The following MYBL2 variants were observed in gnomAD, a reference collection of about 807,000 sequenced individuals.
MYBL2 encodes the protein MYB proto-oncogene like 2.
MYBL2 carries 28 observed loss-of-function variants against 79.9 expected under a neutral mutation model. The observed-to-expected ratio is 0.35, with a 90% CI of 0.26 to 0.48. The LOEUF (loss-of-function observed/expected upper bound fraction) is 0.48. Ranked by LOEUF, MYBL2 falls within the 20% of genes least tolerant of loss-of-function variation. MYBL2 has a pLI of 0.99. For synonymous variants in MYBL2, 378 were observed against 361.2 expected (o/e 1.05, Z -0.53); for missense variants, 735 against 893.9 (o/e 0.82, Z 2.27).
Position 43,715,183 on chromosome 20 carries a change from A to G in MYBL2, c.1874A>G (p.Lys625Arg), listed in dbSNP as rs1488386009. The change falls in exon 13 of 14, where the codon AAA (lysine) becomes AGA (arginine). Residue 625 changes from lysine (K) to arginine (R), a missense_variant. Coordinates refer to ENST00000217026, the MANE Select transcript of MYBL2 (RefSeq NM_002466.4). ...NSSSLTLSGI[K>R]EDNSLLNQGF... ...TCCAGCCTCACCCTGTCAGGTATCA[A>G]AGAAGACAACAGCTTGCTCAACCAG... 6.2e-7 allele frequency: 1 copy of G among 1,614,218 alleles called. No individual in the cohort carries two copies. The highest frequency in any genetic ancestry group is 1.7e-5 in the Admixed American group (1 of 60,030).
chr20:43,700,393 C>T (rs1987653795), intron 7 of MYBL2, among the ~76,000 whole-genome samples: 1 of 152,164 alleles, frequency 6.6e-6, no homozygotes, highest in South Asian at 2.1e-4. Flanking sequence ...TGTGGCATCA[C>T]ACATGGTTGG....
At chr20:43,683,551 A>AAGGGAACTAGGCCT (rs1987194221) in intron 4 of MYBL2, among the ~76,000 whole-genome samples, 1 of 137,836 alleles carries the variant, frequency 7.3e-6, no homozygotes. Flanking sequence ...GGAACTAGGC[A>AAGGGAACTAGGCCT]TTTTTTTTTT....
intron 7 of MYBL2, 108 bp downstream of exon 7, chr20:43,700,152 A>C (rs897888375): frequency 7.0e-7 from 1 of 1,422,918 alleles, no homozygotes; most frequent in Non-Finnish European, 9.5e-7. Flanking sequence ...GCTAACAGTT[A>C]CTGACTTGAT....
intron 9 of MYBL2, among the ~76,000 whole-genome samples, chr20:43,706,990 A>G (rs1167920202): frequency 1.3e-5 from 2 of 150,178 alleles, no homozygotes; most frequent in Non-Finnish European, 3.0e-5. Context: ...CTGGGATTAT[A>G]TGTGTGAGCC....
At chr20:43,692,094 A>G (rs1056588865) in intron 5 of MYBL2, 63 bp from the exon 6 acceptor site, 3 of 1,540,982 alleles carry the variant, frequency 1.9e-6, no homozygotes, top group African/African-American at 1.4e-5. Flanking sequence ...GAGGTTAGTG[A>G]TGTGCCTGAT....
Position 43,711,531 on chromosome 20 carries a change from G to T in MYBL2, c.1649G>T (p.Arg550Leu). The change falls in exon 11 of 14, where the codon CGT (arginine) becomes CTT (leucine). Residue 550 changes from arginine (R) to leucine (L), a missense_variant. Arg to Leu is a moderately radical substitution (Grantham distance 102). Transcript: ENST00000217026. ...GAGGAGGACTTGAAGGAGGTGCTGCGTTCTGAGGCTGGCATCGAACTCATC... is the reference window on the plus strand; with the variant it reads ...GAGGAGGACTTGAAGGAGGTGCTGCTTTCTGAGGCTGGCATCGAACTCATC... ...HLEEDLKEVLRSEAGIELIIE... is the reference protein window; with the variant it reads ...HLEEDLKEVLLSEAGIELIIE... 1 of 1,613,830 alleles carries T rather than the reference G, an allele frequency of 6.2e-7. No homozygotes were observed. Among genetic ancestry groups the T allele is most frequent in the Non-Finnish European group, 8.5e-7 (1 of 1,179,868 alleles).
At chr20:43,683,852 C>A (rs981482432) in intron 4 of MYBL2, among the ~76,000 whole-genome samples, 2 of 151,928 alleles carry the variant, frequency 1.3e-5, no homozygotes, top group African/African-American at 4.8e-5. Context: ...CCGTGCCTGG[C>A]CTGGAACTAG....
At chr20:43,715,387 C>A in intron 13 of MYBL2, 104 bp downstream of exon 13, 1 of 1,548,136 alleles carries the variant, frequency 6.5e-7, no homozygotes, top group Non-Finnish European at 8.7e-7. Context: ...GCCTTCTTAG[C>A]TCAGGGCCTT....
rs933505155 is a variant in MYBL2 at position 43,678,804 on chromosome 20, C to T, written c.115-2980C>T. On this transcript the variant is annotated intron_variant, in intron 2 of 13. Coordinates refer to ENST00000217026, the MANE Select transcript of MYBL2 (RefSeq NM_002466.4). ...ACCCAGAGGCGGAAGTTGCAGTGAG[C>T]TGAGATCGCACCATTGCACTCCAGC... Among the ~76,000 whole-genome samples, 14 of 139,406 alleles carry T rather than the reference C, an allele frequency of 1.0e-4. No individual in the cohort carries two copies. In the Admixed American group the frequency reaches 1.1e-3, roughly 11 times the overall value. The allele number at this position is 139,406 out of a possible 152,430, so 91.5% of individuals were successfully genotyped here.
In MYBL2 at chr20:43,711,481, C is replaced by G; in HGVS notation, c.1606-7C>G. 3.1e-6 allele frequency: 5 copies of G among 1,609,424 alleles called. No individual in the cohort carries two copies. Among genetic ancestry groups the G allele is most frequent in the Non-Finnish European group, 4.2e-6 (5 of 1,177,570 alleles). On this transcript the variant is annotated splice_polypyrimidine_tract_variant and splice_region_variant and intron_variant, in intron 10 of 13. Transcript: ENST00000217026. The stretch of plus-strand genomic sequence containing the variant: ...CCTCACGTGGGCTGCCCCGTGCCTA[C>G]CCACAGCCACAGACCCCGCACCTGG...
chr20:43,708,405 C>T (rs1048450241), intron 9 of MYBL2, among the ~76,000 whole-genome samples: 1 of 152,138 alleles, frequency 6.6e-6, no homozygotes, highest in Non-Finnish European at 1.5e-5. Context: ...CGGCCTCTCC[C>T]TGAGTTTTCT....
At chr20:43,674,506 G>T (rs1398546241) in intron 2 of MYBL2, among the ~76,000 whole-genome samples, 1 of 151,608 alleles carries the variant, frequency 6.6e-6, no homozygotes, top group Non-Finnish European at 1.5e-5. Flanking sequence ...TCCTGCCTCA[G>T]CCTCCCGAGT....
chr20:43,704,225 A>G (rs1458754614), intron 8 of MYBL2, among the ~76,000 whole-genome samples: 1 of 152,188 alleles, frequency 6.6e-6, no homozygotes, highest in African/African-American at 2.4e-5. Context: ...CAGGTTGGCC[A>G]GACTGGTCTC....
rs1988033575 is a variant in MYBL2, at chr20:43,716,352, C to T, written c.*265C>T. The T allele has an allele frequency of 7.7e-5, 39 of 507,944 alleles. 1 individual carries two copies. In the South Asian group the frequency reaches 9.7e-4, roughly 13 times the overall value. 31.5% of individuals were successfully genotyped at this position (507,944 alleles called of 1,614,324 possible). A position where few individuals can be genotyped will look rare whatever the true frequency, so the allele number is the denominator to read the frequency against. The stretch of plus-strand genomic sequence containing the variant: ...CCAAGGCCACAGGGAGCTCCGTCAG[C>T]TTCTCCCAAGCCCACGTCAGGCCTG... On this transcript the variant is annotated 3_prime_UTR_variant, in exon 14 of 14. Coordinates refer to ENST00000217026, the MANE Select transcript of MYBL2 (RefSeq NM_002466.4).
chr20:43,688,060 A>G (rs1252106522), intron 5 of MYBL2, among the ~76,000 whole-genome samples: 1 of 151,126 alleles, frequency 6.6e-6, no homozygotes, highest in South Asian at 2.1e-4. Context: ...AAAGCATTCC[A>G]TGATCTTTTC....
intron 4 of MYBL2, among the ~76,000 whole-genome samples, chr20:43,684,473 G>T (rs1279780747): frequency 6.6e-6 from 1 of 150,580 alleles, no homozygotes. Flanking sequence ...CTGACCTTGT[G>T]ATCTACCCAC....
chr20:43,699,922 G>A lies in MYBL2; in HGVS notation c.829G>A (p.Glu277Lys), dbSNP rs778698280. The stretch of plus-strand genomic sequence containing the variant: ...GCCCTTGGAGGAATTCCCGAAGCGT[G>A]AGGACCAGGAAGGCTCCCCACCAGA... ...PEPLEEFPKR[E>K]DQEGSPPETS... The change falls in exon 7 of 14, where the codon GAG becomes AAG. Residue 277 changes from glutamate to lysine, a missense_variant. Physicochemically the swap from Glu to Lys is moderately conservative, Grantham distance 56. This residue lies in a region of MYBL2 where 144 missense variants were observed against 131.9 expected (regional missense o/e 1.09). Transcript: ENST00000217026. The A allele has an allele frequency of 6.2e-7, 1 of 1,614,164 alleles. No individual in the cohort carries two copies. The highest frequency in any genetic ancestry group is 1.1e-5 in the South Asian group (1 of 91,078).
At chr20:43,683,550 CATTTT>C (rs1568855181) in intron 4 of MYBL2, among the ~76,000 whole-genome samples, 2 of 126,444 alleles carry the variant, frequency 1.6e-5, no homozygotes, top group Non-Finnish European at 1.7e-5. Flanking sequence ...GGGAACTAGG[CATTTT>C]TTTTTTTTTT....
chr20:43,708,405 C>G (rs1048450241), intron 9 of MYBL2, among the ~76,000 whole-genome samples: 1 of 152,138 alleles, frequency 6.6e-6, no homozygotes, highest in Non-Finnish European at 1.5e-5. Flanking sequence ...CGGCCTCTCC[C>G]TGAGTTTTCT....
Sources: allele counts gnomAD v4.1 joint callset (sites outside exome capture counted in the v4.1 genomes callset), GRCh38; gene constraint gnomAD v4.1.1; regional missense constraint gnomAD v4.1.1; transcripts MANE v1.5; gene names NCBI Gene and HGNC (gene_info 2026-07-23, HGNC 2026-07-21).